GOLGA8B: variants seen among roughly 807,000 people sequenced by gnomAD.
GOLGA8B encodes the protein golgin subfamily A member 8B.
Under a neutral mutation model 15.6 loss-of-function variants are expected in GOLGA8B, and 1 was observed. The observed-to-expected ratio is 0.06, with a 90% CI of 0.02 to 0.30. GOLGA8B has a LOEUF of 0.30. GOLGA8B is among the 10% of genes least tolerant of loss of function. GOLGA8B has a pLI of 1.00. For missense variants in GOLGA8B, 17 were observed against 201.3 expected, an observed-to-expected ratio of 0.08 and a Z score of 5.54; for synonymous variants, 9 against 80.3, an observed-to-expected ratio of 0.11 and a Z score of 4.75.
chr15:34,583,318 G>T (rs1427268541), intron 1 of GOLGA8B, among the ~76,000 whole-genome samples, 198 bp downstream of exon 1: 2 of 152,090 alleles, frequency 1.3e-5, no homozygotes, highest in Admixed American at 6.5e-5. Flanking sequence ...GGTCCGAGAG[G>T]CGTAGGCCAG....
intron 1 of GOLGA8B, among the ~76,000 whole-genome samples, chr15:34,582,386 A>T (rs1182591014): frequency 6.6e-6 from 1 of 152,228 alleles, no homozygotes; most frequent in East Asian, 1.9e-4. Context: ...CGAGGAAGAA[A>T]ATAGAAACAA....
intron 1 of GOLGA8B, among the ~76,000 whole-genome samples, chr15:34,579,404 C>T (rs1184058100): frequency 6.6e-5 from 10 of 152,120 alleles, no homozygotes; most frequent in South Asian, 2.1e-4. Context: ...GGAATCTGGG[C>T]GTGGGGGTGC....
chr15:34,575,571 C>T (rs1310136368), intron 1 of GOLGA8B, among the ~76,000 whole-genome samples: 2 of 152,018 alleles, frequency 1.3e-5, no homozygotes, highest in East Asian at 1.9e-4. Context: ...CTGACCTACA[C>T]AAACTACATA....
At chr15:34,559,284 T>C (rs1888562968) in intron 1 of GOLGA8B, among the ~76,000 whole-genome samples, 1 of 147,650 alleles carries the variant, frequency 6.8e-6, no homozygotes, top group Admixed American at 6.9e-5. Context: ...TGGTGTTTAA[T>C]GGGTGCAGAG....
chr15:34,575,326 A>C (rs1214004014), intron 1 of GOLGA8B, among the ~76,000 whole-genome samples: 6 of 136,940 alleles, frequency 4.4e-5, no homozygotes, highest in Admixed American at 7.5e-5. Flanking sequence ...ACCTCCCCAC[A>C]CCCTCCTCTC....
At chr15:34,583,067 G>A (rs184907696) in intron 1 of GOLGA8B, among the ~76,000 whole-genome samples, 29 of 152,310 alleles carry the variant, frequency 1.9e-4, no homozygotes, top group African/African-American at 6.0e-4. Flanking sequence ...CGAACCCAGA[G>A]GCGACCCCAA....
chr15:34,546,730 C>A (rs545743464), intron 5 of GOLGA8B, among the ~76,000 whole-genome samples: 1 of 86,882 alleles, frequency 1.2e-5, no homozygotes, highest in African/African-American at 4.4e-5. Context: ...GGATTATAGG[C>A]ATGAGCCACC....
At chr15:34,560,048 G>C (rs1418046800) in intron 1 of GOLGA8B, among the ~76,000 whole-genome samples, 15 of 149,342 alleles carry the variant, frequency 1.0e-4, no homozygotes, top group African/African-American at 3.2e-4. Flanking sequence ...CTGAGTGGGA[G>C]TGGGGGAGCC....
intron 1 of GOLGA8B, among the ~76,000 whole-genome samples, chr15:34,576,465 G>A (rs1183594067): frequency 2.6e-5 from 4 of 152,308 alleles, no homozygotes; most frequent in East Asian, 1.9e-4. Context: ...ACCCAACACA[G>A]CACAAAGACG....
chr15:34,565,056 A>G lies in GOLGA8B; in HGVS notation c.-1122-11100T>C, dbSNP rs1396980249. 3.5e-5 allele frequency among the ~76,000 whole-genome samples: 5 copies of G among 142,486 alleles called. 2 individuals carry two copies. Among genetic ancestry groups the G allele is most frequent in the Non-Finnish European group, 6.4e-5 (4 of 62,260 alleles). The allele number at this position is 142,486 out of a possible 152,430, so 93.5% of individuals were successfully genotyped here. On this transcript the variant is annotated intron_variant, in intron 1 of 23. Transcript: ENST00000683415. ...GCAGGGGCTACGGAGAAGGTGGTTG[A>G]GTTTAGCTCCAGTCCCCAAAAGGTG...
chr15:34,571,782 C>A (rs1888921026), intron 1 of GOLGA8B, among the ~76,000 whole-genome samples: 1 of 152,040 alleles, frequency 6.6e-6, no homozygotes. Flanking sequence ...AAGTAAGATA[C>A]AAAATTCAGG....
At chr15:34,570,094 A>T (rs1000369302) in intron 1 of GOLGA8B, among the ~76,000 whole-genome samples, 2 of 152,040 alleles carry the variant, frequency 1.3e-5, no homozygotes, top group Non-Finnish European at 2.9e-5. Context: ...CCTACCCCTC[A>T]TCTGCCTGTG....
chr15:34,568,996 C>T (rs1433280005), intron 1 of GOLGA8B, among the ~76,000 whole-genome samples: 24 of 150,084 alleles, frequency 1.6e-4, no homozygotes, highest in Admixed American at 9.9e-4. Flanking sequence ...AGGCATTCTA[C>T]AGGCCTCCCA....
intron 1 of GOLGA8B, chr15:34,556,907 G>A: frequency 1.1e-6 from 1 of 924,306 alleles, no homozygotes; most frequent in Non-Finnish European, 1.6e-6. Flanking sequence ...GAAGCGAGGA[G>A]GTGGGCAGTA....
intron 1 of GOLGA8B, among the ~76,000 whole-genome samples, chr15:34,569,531 C>A (rs1435766994): frequency 6.6e-6 from 1 of 151,308 alleles, no homozygotes. Flanking sequence ...CCTGGCAACA[C>A]CCACCCATCA....
rs550862118 is a variant in GOLGA8B, at chr15:34,527,458, G to A, written c.*174C>T. ...AGTGAACATCAGTGAGAGGCACAGA[G>A]ACCCACTCTCTTTTAACTTTTTACA... On this transcript the variant is annotated 3_prime_UTR_variant, in exon 24 of 24. Transcript: ENST00000683415. The A allele has an allele frequency of 1.9e-5, 14 of 722,948 alleles. 1 individual carries two copies. The highest frequency in any genetic ancestry group is 2.7e-5 in the Non-Finnish European group (13 of 486,410). The allele number at this position is 722,948 out of a possible 1,614,324, so 44.8% of individuals were successfully genotyped here.
chr15:34,557,182 T>G (rs2140340741), intron 1 of GOLGA8B, among the ~76,000 whole-genome samples: 1 of 119,216 alleles, frequency 8.4e-6, no homozygotes, highest in African/African-American at 3.3e-5. Context: ...AGGGGTGTAC[T>G]CAGACCAGCA....
At chr15:34,575,893 T>C (rs117570759) in intron 1 of GOLGA8B, among the ~76,000 whole-genome samples, 2 of 152,316 alleles carry the variant, frequency 1.3e-5, no homozygotes, top group South Asian at 2.1e-4. Flanking sequence ...AGCTGGAATA[T>C]AGTAGCTGCT....
At chr15:34,569,521 C>T (rs1888848416) in intron 1 of GOLGA8B, among the ~76,000 whole-genome samples, 1 of 151,088 alleles carries the variant, frequency 6.6e-6, no homozygotes. Context: ...AGGCTGAAAT[C>T]CTGGCAACAC....
Sources: allele counts gnomAD v4.1 joint callset (sites outside exome capture counted in the v4.1 genomes callset), GRCh38; gene constraint gnomAD v4.1.1; transcripts MANE v1.5; gene names NCBI Gene and HGNC (gene_info 2026-07-23, HGNC 2026-07-21).